SLC25A21: variants seen among roughly 807,000 people sequenced by gnomAD.
SLC25A21 encodes the protein mitochondrial 2-oxodicarboxylate carrier.
A neutral mutation model predicts 43.8 loss-of-function variants in SLC25A21; 47 were observed. That is an observed-to-expected ratio of 1.07 (90% CI 0.85 to 1.37). The LOEUF is 1.37. Ranked by LOEUF, SLC25A21 falls within the 40% of genes most tolerant of loss-of-function variation. The pLI, the probability that SLC25A21 is intolerant of heterozygous loss-of-function variation, is 0.00. For missense variants in SLC25A21, 352 were observed against 350.2 expected (o/e 1.00, Z -0.04); for synonymous variants, 131 against 121.3 (o/e 1.08, Z -0.52).
chr14:36,725,359 C>A (rs1236613516), intron 6 of SLC25A21: 7 of 176,974 alleles, frequency 4.0e-5, no homozygotes, highest in Non-Finnish European at 2.3e-5. Flanking sequence ...CCTGTAATCC[C>A]AGCTACGAGG....
At chr14:36,788,787 C>T (rs1453437270) in intron 3 of SLC25A21, 1 of 151,946 alleles carries the variant, frequency 6.6e-6, no homozygotes, top group Non-Finnish European at 1.5e-5. Flanking sequence ...ACCTCATCTT[C>T]CAGGGAACTA....
At chr14:37,002,574 G>A (rs1391185732) in intron 1 of SLC25A21, among the ~76,000 whole-genome samples, 2 of 152,142 alleles carry the variant, frequency 1.3e-5, no homozygotes, top group Non-Finnish European at 2.9e-5. Flanking sequence ...TCTGTAGCTT[G>A]TCTGTAAACT....
At chr14:37,092,973 T>C (rs953671492) in intron 1 of SLC25A21, among the ~76,000 whole-genome samples, 2 of 152,074 alleles carry the variant, frequency 1.3e-5, no homozygotes, top group Admixed American at 6.6e-5. Context: ...CCTTGAATTA[T>C]CTTTTGTCCA....
intron 3 of SLC25A21, among the ~76,000 whole-genome samples, chr14:36,786,818 G>A (rs1887267491): frequency 6.6e-6 from 1 of 152,152 alleles, no homozygotes; most frequent in Admixed American, 6.5e-5. Flanking sequence ...TTTGGCGTAT[G>A]GCACTGCAAC....
At chr14:36,683,767 CA>C in intron 9 of SLC25A21, 60 bp downstream of exon 9, 14 of 1,236,978 alleles carry the variant, frequency 1.1e-5, no homozygotes, top group East Asian at 2.4e-5. Context: ...ACACAAATAT[CA>C]AAAAAAGAGA....
chr14:36,809,938 C>A (rs1781691824), intron 3 of SLC25A21, among the ~76,000 whole-genome samples: 1 of 152,150 alleles, frequency 6.6e-6, no homozygotes, highest in Admixed American at 6.6e-5. Context: ...AAAAGAACTT[C>A]TTTAACTAGG....
intron 1 of SLC25A21, among the ~76,000 whole-genome samples, chr14:37,051,544 G>A (rs951216148): frequency 6.6e-6 from 1 of 152,218 alleles, no homozygotes; most frequent in African/African-American, 2.4e-5. Context: ...GTAAGAAACA[G>A]ATGGCACAGG....
chr14:36,918,412 T>A (rs1342181408), intron 1 of SLC25A21, among the ~76,000 whole-genome samples: 1 of 152,144 alleles, frequency 6.6e-6, no homozygotes, highest in African/African-American at 2.4e-5. Flanking sequence ...TTCTCAAACA[T>A]CCCAGTTTCC....
At chr14:36,722,102 G>T (rs902386384) in intron 6 of SLC25A21, among the ~76,000 whole-genome samples, 1 of 152,118 alleles carries the variant, frequency 6.6e-6, no homozygotes, top group Non-Finnish European at 1.5e-5. Flanking sequence ...CGTGGCCATT[G>T]AGCACCTGAA....
At chr14:37,159,600 A>G (rs987934478) in intron 1 of SLC25A21, among the ~76,000 whole-genome samples, 2 of 152,296 alleles carry the variant, frequency 1.3e-5, no homozygotes, top group South Asian at 4.1e-4. Context: ...ACACTTAAAT[A>G]TACGACCCAA....
At chr14:37,167,349 A>C (rs1055078875) in intron 1 of SLC25A21, among the ~76,000 whole-genome samples, 3 of 152,198 alleles carry the variant, frequency 2.0e-5, no homozygotes, top group African/African-American at 7.2e-5. Context: ...CCAAAAACGC[A>C]GATTCCGATA....
intron 1 of SLC25A21, among the ~76,000 whole-genome samples, chr14:37,055,999 G>A (rs1244565646): frequency 6.6e-6 from 1 of 151,984 alleles, no homozygotes; most frequent in African/African-American, 2.4e-5. Context: ...TCTACCTAGT[G>A]CAGTCTCATG....
chr14:37,148,763 T>C (rs1295714327), intron 1 of SLC25A21, among the ~76,000 whole-genome samples: 1 of 152,160 alleles, frequency 6.6e-6, no homozygotes, highest in Non-Finnish European at 1.5e-5. Context: ...TCACTCTTCA[T>C]AAGACTTAAA....
At chr14:36,738,337 C>T (rs1885125393) in intron 3 of SLC25A21, among the ~76,000 whole-genome samples, 1 of 151,928 alleles carries the variant, frequency 6.6e-6, no homozygotes, top group Admixed American at 6.6e-5. Context: ...TGCAAAAGAA[C>T]TGATGTTTAT....
At chr14:36,783,447 T>C (rs1456991872) in intron 3 of SLC25A21, among the ~76,000 whole-genome samples, 1 of 152,100 alleles carries the variant, frequency 6.6e-6, no homozygotes, top group Non-Finnish European at 1.5e-5. Context: ...CTGTCTTCCT[T>C]GGTCTCAGCC....
At chr14:36,848,148 C>T (rs565844455) in intron 2 of SLC25A21, among the ~76,000 whole-genome samples, 135 of 152,242 alleles carry the variant, frequency 8.9e-4, no homozygotes, top group African/African-American at 2.9e-3. Context: ...CTAAGTATTA[C>T]CCATCAGCCT....
At chr14:37,163,069 C>T (rs1343964607) in intron 1 of SLC25A21, among the ~76,000 whole-genome samples, 1 of 150,994 alleles carries the variant, frequency 6.6e-6, no homozygotes, top group South Asian at 2.1e-4. Context: ...CATATTCTCA[C>T]TCATAGGTGG....
chr14:36,736,460 T>C lies in SLC25A21; in HGVS notation c.204-1887A>G, dbSNP rs553844183. On this transcript the variant is annotated intron_variant, in intron 3 of 9. Coordinates refer to ENST00000331299, the MANE Select transcript of SLC25A21 (RefSeq NM_030631.4). ...AAATTTCATTATAAATTAATCACTA[T>C]GTAATTTTTGGCATAAAGAGTGACC... 7.7e-4 allele frequency among the ~76,000 whole-genome samples: 118 copies of C among 152,326 alleles called. 2 individuals carry two copies. In the South Asian group the frequency reaches 0.023, roughly 30 times the overall value.
At chr14:36,925,663 A>G (rs766761065) in intron 1 of SLC25A21, among the ~76,000 whole-genome samples, 2 of 152,128 alleles carry the variant, frequency 1.3e-5, no homozygotes, top group Non-Finnish European at 2.9e-5. Flanking sequence ...CCTAGCCAAC[A>G]TGGAGAAACC....
Sources: gnomAD v4.1 joint callset for allele counts (sites outside exome capture counted in the v4.1 genomes callset) on GRCh38, gnomAD v4.1.1 for gene constraint, MANE v1.5 for transcripts, NCBI Gene and HGNC (gene_info 2026-07-23, HGNC 2026-07-21) for gene names.